TSPAN10: variants seen among roughly 807,000 people sequenced by gnomAD.
TSPAN10 encodes the protein tetraspanin 10.
TSPAN10 carries 11 observed loss-of-function variants against 15.0 expected under a neutral mutation model. The ratio of observed to expected loss-of-function variants is 0.73; its 90% confidence interval spans 0.46 to 1.21. The LOEUF (loss-of-function observed/expected upper bound fraction) is 1.21. Among genes scored for constraint, TSPAN10 ranks in the 50% most tolerant of loss-of-function variants. TSPAN10 has a pLI of 0.00. For synonymous variants in TSPAN10, 241 were observed against 226.2 expected (o/e 1.07, Z -0.59); for missense variants, 486 against 470.6 (o/e 1.03, Z -0.30).
At chr17:81,648,118 G>C in exon 3 of TSPAN10, 3 of 1,558,454 alleles carry the variant, frequency 1.9e-6, no homozygotes, top group Non-Finnish European at 2.6e-6. Flanking sequence ...GGGCGGCTAC[G>C]CAATCGCGGT....
chr17:81,648,026 C>G, exon 3 of TSPAN10: 4 of 1,604,372 alleles, frequency 2.5e-6, no homozygotes, highest in Non-Finnish European at 3.4e-6. Context: ...CGCCTGGATG[C>G]GGACGCAGCT....
chr17:81,640,794 C>CG (rs1039065145), upstream of TSPAN10, among the ~76,000 whole-genome samples: 2 of 152,098 alleles, frequency 1.3e-5, no homozygotes, highest in African/African-American at 4.8e-5. Flanking sequence ...TTCTGAGGTC[C>CG]GGGGGGCTAG....
chr17:81,644,681 G>A (rs1398434864), intron 1 of TSPAN10, among the ~76,000 whole-genome samples: 1 of 152,224 alleles, frequency 6.6e-6, no homozygotes, highest in African/African-American at 2.4e-5. Context: ...GGGAGTGGGT[G>A]TGTTCACTGA....
chr17:81,644,141 G>A (rs948326067), intron 1 of TSPAN10, among the ~76,000 whole-genome samples: 3 of 151,684 alleles, frequency 2.0e-5, no homozygotes, highest in Non-Finnish European at 4.4e-5. Flanking sequence ...GAGCCACAAC[G>A]TCCAGCCCGG....
intron 2 of TSPAN10, chr17:81,646,708 T>C (rs1011553328): frequency 4.6e-5 from 7 of 151,646 alleles, no homozygotes; most frequent in Non-Finnish European, 1.0e-4. Flanking sequence ...AAAATGACTT[T>C]TAGGTGAATT....
upstream of TSPAN10, among the ~76,000 whole-genome samples, chr17:81,641,345 C>T (rs954961706): frequency 1.4e-4 from 21 of 152,138 alleles, no homozygotes; most frequent in African/African-American, 4.3e-4. Flanking sequence ...GTCCTCGCCC[C>T]GACTTCCCAC....
chr17:81,639,795 G>A (rs566964022), upstream of TSPAN10, among the ~76,000 whole-genome samples: 16 of 151,498 alleles, frequency 1.1e-4, no homozygotes, highest in East Asian at 1.4e-3. Flanking sequence ...TGGCTAATAT[G>A]GTGAAACCCT....
exon 3 of TSPAN10, chr17:81,647,952 C>G: frequency 6.2e-7 from 1 of 1,610,240 alleles, no homozygotes; most frequent in Non-Finnish European, 8.5e-7. Context: ...TTCCCGCCTC[C>G]TGCTGCATCG....
intron 1 of TSPAN10, among the ~76,000 whole-genome samples, chr17:81,644,199 T>A (rs1318428565): frequency 6.6e-6 from 1 of 152,080 alleles, no homozygotes; most frequent in Non-Finnish European, 1.5e-5. Flanking sequence ...CCGGCAGAAC[T>A]GGGCACCTGC....
At chr17:81,645,400 C>G (rs2036235073) in exon 2 of TSPAN10, 2 of 1,602,992 alleles carry the variant, frequency 1.2e-6, no homozygotes, top group Non-Finnish European at 8.5e-7. Flanking sequence ...GAACACCTGC[C>G]TGTTACGTGG....
chr17:81,642,320 C>G (rs751271484), upstream of TSPAN10: 3 of 1,475,188 alleles, frequency 2.0e-6, no homozygotes, highest in Non-Finnish European at 2.8e-6. Flanking sequence ...AGCCCAGGGC[C>G]GCAGTCAGGA....
upstream of TSPAN10, chr17:81,638,211 A>G (rs1041206866): frequency 1.3e-5 from 2 of 152,176 alleles, no homozygotes; most frequent in Admixed American, 1.3e-4. Context: ...ATTCACACAG[A>G]GCCAGCTTGT....
chr17:81,637,244 C>CT (rs2036112023), exon 1 of TSPAN10: 1 of 499,050 alleles, frequency 2.0e-6, no homozygotes, highest in African/African-American at 2.0e-5. Flanking sequence ...AAAGTTGCGT[C>CT]TGAGATTACT....
chr17:81,639,692 C>T (rs942327470), upstream of TSPAN10, among the ~76,000 whole-genome samples: 1 of 150,762 alleles, frequency 6.6e-6, no homozygotes, highest in Non-Finnish European at 1.5e-5. Flanking sequence ...TGGCTCATGC[C>T]TGTCATCCCA....
At chr17:81,642,964 C>A (rs2036193658) in intron 1 of TSPAN10, among the ~76,000 whole-genome samples, 1 of 149,964 alleles carries the variant, frequency 6.7e-6, no homozygotes, top group African/African-American at 2.5e-5. Context: ...CCAGCCTGGG[C>A]AATGTAGCGA....
chr17:81,643,293 C>T (rs1272365272), intron 1 of TSPAN10, among the ~76,000 whole-genome samples: 8 of 149,088 alleles, frequency 5.4e-5, no homozygotes, highest in African/African-American at 1.7e-4. Context: ...CCACCGTGCC[C>T]GGCCTACAAA....
At chr17:81,645,497 G>A (rs2036238144) in exon 2 of TSPAN10, 1 of 1,584,108 alleles carries the variant, frequency 6.3e-7, no homozygotes, top group Non-Finnish European at 8.6e-7. Context: ...CTGCAAGACA[G>A]CCTGGAGCAC....
At chr17:81,644,554 C>G (rs1013691146) in intron 1 of TSPAN10, among the ~76,000 whole-genome samples, 24 of 152,336 alleles carry the variant, frequency 1.6e-4, no homozygotes, top group African/African-American at 5.1e-4. Flanking sequence ...CACACACAGA[C>G]TGATCCACGC....
chr17:81,646,012 A>G (rs2036248149), intron 2 of TSPAN10: 1 of 341,334 alleles, frequency 2.9e-6, no homozygotes, highest in Non-Finnish European at 5.4e-6. Context: ...CGGCCCCCAG[A>G]ACGTGCAGGG....
Sources: allele counts gnomAD v4.1 joint callset (sites outside exome capture counted in the v4.1 genomes callset), GRCh38; gene constraint gnomAD v4.1.1; transcripts MANE v1.5; gene names NCBI Gene and HGNC (gene_info 2026-07-23, HGNC 2026-07-21).